ADCY2: variants seen among roughly 807,000 people sequenced by gnomAD.
ADCY2 encodes the protein adenylate cyclase 2, also known as adenylate cyclase type 2.
ADCY2 carries 31 observed loss-of-function variants against 125.2 expected under a neutral mutation model. The ratio of observed to expected loss-of-function variants is 0.25; its 90% CI spans 0.19 to 0.33. The LOEUF (loss-of-function observed/expected upper bound fraction) is 0.33, where lower values mean the gene tolerates loss of function less well. Ranked by LOEUF, ADCY2 falls within the 10% of genes least tolerant of loss-of-function variation. ADCY2 has a pLI of 1.00. For missense variants in ADCY2, 904 were observed against 1,418.2 expected, an observed-to-expected ratio of 0.64 and a Z score of 5.82; for synonymous variants, 512 against 548.4, an observed-to-expected ratio of 0.93 and a Z score of 0.93.
chr5:7,501,147 G>A (rs1743551505), intron 2 of ADCY2, among the ~76,000 whole-genome samples: 2 of 135,876 alleles, frequency 1.5e-5, no homozygotes, highest in East Asian at 2.0e-4. Flanking sequence ...AAAAAAAAAA[G>A]GTCTACATTT....
chr5:7,443,573 G>C (rs372044108), intron 2 of ADCY2, among the ~76,000 whole-genome samples: 1 of 139,134 alleles, frequency 7.2e-6, no homozygotes, highest in Non-Finnish European at 1.5e-5. Context: ...CCAGGAGGCA[G>C]AGCTTGCAGT....
intron 2 of ADCY2, among the ~76,000 whole-genome samples, chr5:7,454,899 T>C (rs1275841489): frequency 1.3e-5 from 2 of 152,210 alleles, no homozygotes; most frequent in Non-Finnish European, 2.9e-5. Context: ...CCAGATATTC[T>C]CATTATTATA....
intron 17 of ADCY2, 74 bp downstream of exon 17, chr5:7,766,880 A>G (rs1743399563): frequency 6.6e-7 from 1 of 1,523,528 alleles, no homozygotes; most frequent in Non-Finnish European, 8.8e-7. Context: ...TATATCCTTT[A>G]GTCTCAGATC....
intron 16 of ADCY2, among the ~76,000 whole-genome samples, chr5:7,758,913 G>C (rs1261578948): frequency 3.3e-5 from 5 of 152,152 alleles, no homozygotes; most frequent in Non-Finnish European, 7.4e-5. Flanking sequence ...AAGTGGGTTA[G>C]GACCTTGAAT....
At chr5:7,632,173 G>A (rs146908055) in intron 4 of ADCY2, among the ~76,000 whole-genome samples, 11 of 152,202 alleles carry the variant, frequency 7.2e-5, no homozygotes, top group South Asian at 2.1e-4. Context: ...TGGGGGATGC[G>A]CCCAACAGAG....
chr5:7,786,958 G>A (rs951854702), intron 19 of ADCY2, among the ~76,000 whole-genome samples: 2 of 152,184 alleles, frequency 1.3e-5, no homozygotes, highest in African/African-American at 4.8e-5. Flanking sequence ...TGCTAGATGA[G>A]AGCCCCAGCA....
intron 4 of ADCY2, among the ~76,000 whole-genome samples, chr5:7,676,999 G>A (rs756095573): frequency 5.9e-5 from 9 of 152,082 alleles, no homozygotes; most frequent in Non-Finnish European, 1.3e-4. Context: ...TAACCCAGCC[G>A]GGTGCGGTGG....
chr5:7,407,013 T>G (rs1331910545), intron 1 of ADCY2, among the ~76,000 whole-genome samples: 3 of 152,170 alleles, frequency 2.0e-5, no homozygotes, highest in Non-Finnish European at 4.4e-5. Context: ...GGCACCACAC[T>G]CTTATTTAGA....
chr5:7,706,097 C>T (rs1237708566), intron 7 of ADCY2, among the ~76,000 whole-genome samples: 2 of 152,172 alleles, frequency 1.3e-5, no homozygotes, highest in African/African-American at 4.8e-5. Flanking sequence ...CCAGCAAGAA[C>T]AAATAAGCAT....
chr5:7,397,445 G>GTTT (rs767411861), intron 1 of ADCY2, among the ~76,000 whole-genome samples: 802 of 70,070 alleles, frequency 0.011, 137 homozygotes, highest in Non-Finnish European at 0.014. Flanking sequence ...CCACCAGTGA[G>GTTT]TTTTTTTTTT....
intron 2 of ADCY2, among the ~76,000 whole-genome samples, chr5:7,517,127 G>A (rs892971086): frequency 1.3e-5 from 2 of 152,154 alleles, no homozygotes; most frequent in Non-Finnish European, 2.9e-5. Context: ...AGATAGGCAT[G>A]TCTTGCAAAA....
chr5:7,638,859 C>T (rs1179671354), intron 4 of ADCY2, among the ~76,000 whole-genome samples: 2 of 152,196 alleles, frequency 1.3e-5, no homozygotes, highest in Admixed American at 6.5e-5. Flanking sequence ...CCATAATTCC[C>T]ATGTGTCATG....
At chr5:7,637,362 G>A (rs1040019418) in intron 4 of ADCY2, among the ~76,000 whole-genome samples, 6 of 151,068 alleles carry the variant, frequency 4.0e-5, no homozygotes, top group South Asian at 2.1e-4. Context: ...CTCAGGAGGC[G>A]GAGGTTGCAG....
chr5:7,536,263 A>C lies in ADCY2; in HGVS notation c.570+15364A>C, dbSNP rs147016861. On this transcript the variant is annotated intron_variant, in intron 3 of 24. Transcript: ENST00000338316. ...GGGGTGGAAGTCCTATATTGCAGAC[A>C]TGGGGGTGCCCCCAGTGGAACACAT... 1.2e-3 allele frequency among the ~76,000 whole-genome samples: 185 copies of C among 152,342 alleles called. No individual in the cohort carries two copies. In the South Asian group the frequency reaches 0.013, roughly 10 times the overall value.
chr5:7,497,418 A>G (rs1173519698), intron 2 of ADCY2, among the ~76,000 whole-genome samples: 1 of 152,202 alleles, frequency 6.6e-6, no homozygotes, highest in African/African-American at 2.4e-5. Context: ...TGAGCCTTCA[A>G]AAAAAGTGTT....
intron 1 of ADCY2, among the ~76,000 whole-genome samples, chr5:7,397,420 C>G (rs1739092013): frequency 7.8e-6 from 1 of 128,890 alleles, no homozygotes; most frequent in Non-Finnish European, 1.6e-5. Context: ...AGATTTTGTG[C>G]GAGGCATTGA....
intron 7 of ADCY2, among the ~76,000 whole-genome samples, chr5:7,704,505 C>T (rs754129980): frequency 1.1e-4 from 16 of 152,108 alleles, no homozygotes; most frequent in Non-Finnish European, 2.2e-4. Context: ...GTACTGTTTA[C>T]CTACTACTCT....
At chr5:7,554,830 T>G (rs926917379) in intron 3 of ADCY2, among the ~76,000 whole-genome samples, 4 of 152,192 alleles carry the variant, frequency 2.6e-5, no homozygotes, top group African/African-American at 9.7e-5. Flanking sequence ...TATATGCAAA[T>G]GTCTCAACAG....
intron 15 of ADCY2, among the ~76,000 whole-genome samples, chr5:7,752,083 G>A (rs1363299473): frequency 6.6e-6 from 1 of 152,170 alleles, no homozygotes; most frequent in Non-Finnish European, 1.5e-5. Flanking sequence ...GATGCAATGT[G>A]GTACCCAGTG....
Sources: allele counts gnomAD v4.1 joint callset (sites outside exome capture counted in the v4.1 genomes callset), GRCh38; gene constraint gnomAD v4.1.1; transcripts MANE v1.5; gene names NCBI Gene and HGNC (gene_info 2026-07-23, HGNC 2026-07-21).